The following MYO1H variants were observed in gnomAD, a reference collection of about 807,000 sequenced individuals.
MYO1H encodes myosin IH.
Under a neutral mutation model 149.3 loss-of-function variants are expected in MYO1H, and 118 were observed. The ratio of observed to expected loss-of-function variants is 0.79; its 90% CI spans 0.68 to 0.92. The LOEUF (loss-of-function observed/expected upper bound fraction) is 0.92, where lower values mean the gene tolerates loss of function less well. Among genes scored for constraint, MYO1H ranks in the 40% least tolerant of loss-of-function variants. MYO1H has a pLI of 0.00. For synonymous variants in MYO1H, 447 were observed against 465.2 expected, an observed-to-expected ratio of 0.96 and a Z score of 0.50; for missense variants, 1,212 against 1,280.7, an observed-to-expected ratio of 0.95 and a Z score of 0.82.
the MYO1H span, among the ~76,000 whole-genome samples, chr12:109,316,798 T>C: frequency 6.6e-6 from 1 of 152,170 alleles, no homozygotes; most frequent in African/African-American, 2.4e-5. Context: ...TTTGGGACCC[T>C]CGGGTCCCTA....
intron 1 of MYO1H, among the ~76,000 whole-genome samples, chr12:109,356,739 A>G (rs547975666): frequency 3.0e-4 from 45 of 152,154 alleles, no homozygotes; most frequent in Non-Finnish European, 5.1e-4. Flanking sequence ...TAGAAGCACT[A>G]TTCTGTTTGC....
intron 31 of MYO1H, 67 bp from the exon 32 acceptor site, chr12:109,447,092 A>G (rs376312139): frequency 1.3e-4 from 190 of 1,477,444 alleles, no homozygotes; most frequent in Non-Finnish European, 1.7e-4. Flanking sequence ...AGTTGAGGTG[A>G]TAACTGTTTC....
At chr12:109,311,937 G>A in the MYO1H span, among the ~76,000 whole-genome samples, 2 of 152,180 alleles carry the variant, frequency 1.3e-5, no homozygotes, top group Non-Finnish European at 2.9e-5. Context: ...TCTAATCTGC[G>A]TCTTGGTTGC....
At chr12:109,395,476 C>CT (rs1391776500) in intron 3 of MYO1H, among the ~76,000 whole-genome samples, 1 of 152,076 alleles carries the variant, frequency 6.6e-6, no homozygotes, top group Non-Finnish European at 1.5e-5. Flanking sequence ...TGGCTCACAC[C>CT]TGTAATCCCA....
intron 11 of MYO1H, 25 bp downstream of exon 11, chr12:109,409,649 T>C (rs754090304): frequency 1.1e-5 from 18 of 1,570,026 alleles, no homozygotes; most frequent in Non-Finnish European, 1.5e-5. Flanking sequence ...TACCTACCTA[T>C]CTGTCTTTTG....
intron 15 of MYO1H, among the ~76,000 whole-genome samples, chr12:109,419,051 C>A (rs967524518): frequency 2.6e-5 from 4 of 152,112 alleles, no homozygotes; most frequent in Non-Finnish European, 1.5e-5. Flanking sequence ...CTGCTGACAG[C>A]ACAGAAAGGA....
intron 1 of MYO1H, among the ~76,000 whole-genome samples, chr12:109,387,067 C>T (rs1347966232): frequency 9.6e-5 from 14 of 145,366 alleles, no homozygotes; most frequent in Non-Finnish European, 3.0e-5. Context: ...AATATAGGGA[C>T]TGAAATGCAT....
the MYO1H span, among the ~76,000 whole-genome samples, chr12:109,327,112 TTTTC>T: frequency 1.3e-4 from 16 of 127,164 alleles, no homozygotes; most frequent in African/African-American, 4.6e-4. Flanking sequence ...TTAATTTTTC[TTTTC>T]TTTTTCTTTT....
chr12:109,365,674 A>G (rs1228658631), intron 1 of MYO1H, among the ~76,000 whole-genome samples: 1 of 152,142 alleles, frequency 6.6e-6, no homozygotes, highest in African/African-American at 2.4e-5. Context: ...GATAATACCT[A>G]TTTCACAGGG....
rs1872527725 is a variant in MYO1H, at chr12:109,447,340, A to G, written c.*158A>G. ...AAGAAACTGAGGGGCGTTAGGCCAA[A>G]GCCTAATCCCAGCTCCTCAGCTGCC... On this transcript the variant is annotated 3_prime_UTR_variant, in exon 32 of 32. Coordinates refer to ENST00000310903, the Ensembl canonical transcript of MYO1H. 7 of 707,950 alleles carry G rather than the reference A, an allele frequency of 9.9e-6. 1 individual carries two copies. In the South Asian group the frequency reaches 1.1e-4, roughly 11 times the overall value. The allele number at this position is 707,950 out of a possible 1,614,324, so 43.9% of individuals were successfully genotyped here.
At chr12:109,447,321 CTG>C in exon 32 of MYO1H, 1 of 793,998 alleles carries the variant, frequency 1.3e-6, no homozygotes, top group African/African-American at 1.7e-5. Context: ...TCTGAAGAAA[CTG>C]AGGGGCGTTA....
At chr12:109,375,156 A>AT (rs71079553) in intron 1 of MYO1H, among the ~76,000 whole-genome samples, 47,690 of 124,208 alleles carry the variant, frequency 0.38, 9,978 homozygotes, top group Admixed American at 0.49. Context: ...TGCCCGGCGG[A>AT]TTTTTTTTTT....
At chr12:109,416,006 A>G (rs1870892565) in intron 15 of MYO1H, among the ~76,000 whole-genome samples, 1 of 151,478 alleles carries the variant, frequency 6.6e-6, no homozygotes, top group Non-Finnish European at 1.5e-5. Flanking sequence ...GCAGTGGCTC[A>G]ATCTCAGCTC....
At chr12:109,415,488 A>C in intron 14 of MYO1H, 38 bp from the exon 15 acceptor site, 1 of 1,550,996 alleles carries the variant, frequency 6.4e-7, no homozygotes. Context: ...AAAAGAAAAG[A>C]AAAGAAAGTT....
In MYO1H at chr12:109,443,242, ATGTG is replaced by A. The variant is rs757057892; in HGVS notation, c.2689-266_2689-263del. Among the ~76,000 whole-genome samples the A allele has an allele frequency of 6.5e-4, 82 of 126,824 alleles. 16 individuals are homozygous for A. The highest frequency in any genetic ancestry group is 1.2e-3 in the Non-Finnish European group (70 of 57,632). 83.2% of individuals were successfully genotyped at this position (126,824 alleles called of 152,430 possible). On this transcript the variant is annotated intron_variant, in intron 27 of 31. Coordinates refer to ENST00000310903, the Ensembl canonical transcript of MYO1H. ...TATGTGTGTGTATATGTGTACGTAT[ATGTG>A]TGTGTATATGTGTACGTATATGTGT...
exon 13 of MYO1H, chr12:109,410,701 A>C: frequency 6.3e-7 from 1 of 1,598,344 alleles, no homozygotes; most frequent in East Asian, 2.2e-5. Context: ...GAGCCAATTA[A>C]ATATTTCAAC....
At chr12:109,397,546 G>A (rs965111620) in intron 4 of MYO1H, among the ~76,000 whole-genome samples, 186 bp from the exon 5 acceptor site, 1 of 152,160 alleles carries the variant, frequency 6.6e-6, no homozygotes, top group African/African-American at 2.4e-5. Context: ...CCCGGGTCCA[G>A]ATCTAGTGTT....
intron 2 of MYO1H, among the ~76,000 whole-genome samples, chr12:109,390,847 T>TA (rs1869619453): frequency 6.6e-6 from 1 of 152,046 alleles, no homozygotes; most frequent in Non-Finnish European, 1.5e-5. Flanking sequence ...TTTGTATTTT[T>TA]AGTAGAGATG....
In MYO1H at chr12:109,427,909, A is replaced by AATATATAT. The variant is rs1555254297; in HGVS notation, c.1949+344_1949+351dup. ...AAAAAAAAAAAAAAAAAAAAAAAAA[A>AATATATAT]ATATATATATATATATATATATATA... On this transcript the variant is annotated intron_variant, in intron 19 of 31. Transcript: ENST00000310903. 1.8e-3 allele frequency among the ~76,000 whole-genome samples: 29 copies of AATATATAT among 16,418 alleles called. 1 individual carries two copies. The East Asian group carries it at 0.021, about 12-fold the overall frequency. 10.8% of individuals were successfully genotyped at this position (16,418 alleles called of 152,430 possible).
Sources: gnomAD v4.1 joint callset for allele counts (sites outside exome capture counted in the v4.1 genomes callset) on GRCh38, gnomAD v4.1.1 for gene constraint, MANE v1.5 for transcripts, NCBI Gene and HGNC (gene_info 2026-07-23, HGNC 2026-07-21) for gene names.